LPGAT1: variants seen among roughly 807,000 people sequenced by gnomAD.
LPGAT1 encodes lysophosphatidylglycerol acyltransferase 1.
Under a neutral mutation model 47.5 loss-of-function variants are expected in LPGAT1, and 11 were observed. The observed-to-expected ratio is 0.23, with a 90% confidence interval of 0.15 to 0.38. The LOEUF is 0.38. Ranked by LOEUF, LPGAT1 falls within the 10% of genes least tolerant of loss-of-function variation. LPGAT1 has a pLI of 1.00. For missense variants in LPGAT1, 293 were observed against 439.0 expected (o/e 0.67, Z 2.97); for synonymous variants, 138 against 144.2 (o/e 0.96, Z 0.31).
intron 5 of LPGAT1, among the ~76,000 whole-genome samples, chr1:211,781,641 G>A (rs1286359250): frequency 6.6e-6 from 1 of 152,156 alleles, no homozygotes. Flanking sequence ...GGTCCTGATT[G>A]CCACTTAAAA....
chr1:211,765,056 T>C (rs570695656), intron 6 of LPGAT1, among the ~76,000 whole-genome samples: 1 of 152,332 alleles, frequency 6.6e-6, no homozygotes, highest in East Asian at 1.9e-4. Flanking sequence ...GTAAGATGCT[T>C]AACAAATGCT....
At chr1:211,780,504 T>C (rs1658599117) in intron 5 of LPGAT1, among the ~76,000 whole-genome samples, 2 of 152,186 alleles carry the variant, frequency 1.3e-5, no homozygotes, top group Admixed American at 6.5e-5. Flanking sequence ...GAGAACTAAT[T>C]TTCAAGCATA....
intron 6 of LPGAT1, among the ~76,000 whole-genome samples, chr1:211,771,885 G>C (rs1658188114): frequency 6.6e-6 from 1 of 152,062 alleles, no homozygotes; most frequent in South Asian, 2.1e-4. Flanking sequence ...TTGTAAGGAA[G>C]GGGTACCCTA....
chr1:211,785,913 C>G (rs1420339541), intron 4 of LPGAT1, among the ~76,000 whole-genome samples: 1 of 152,102 alleles, frequency 6.6e-6, no homozygotes, highest in Non-Finnish European at 1.5e-5. Context: ...AGCCCCTCTT[C>G]TTGATGCCTG....
At chr1:211,812,623 A>G (rs905151961) in intron 2 of LPGAT1, among the ~76,000 whole-genome samples, 1 of 152,228 alleles carries the variant, frequency 6.6e-6, no homozygotes, top group African/African-American at 2.4e-5. Context: ...ATGTTACTTT[A>G]TATGATAAAA....
chr1:211,751,169 C>A, intron 6 of LPGAT1, 102 bp from the exon 7 acceptor site: 1 of 764,784 alleles, frequency 1.3e-6, no homozygotes, highest in Non-Finnish European at 2.1e-6. Context: ...ATTGTGTTGT[C>A]ATCTTTTGCT....
At position 211,828,329 on chromosome 1, in the gene LPGAT1, T is replaced by C. The variant is rs528439661; in HGVS notation, c.238+730A>G. On this transcript the variant is annotated intron_variant, in intron 2 of 7. Coordinates refer to ENST00000366997, the MANE Select transcript of LPGAT1 (RefSeq NM_014873.3). ...AGAATTTTCACAGCAAGGGCATAAG[T>C]TCTCAAAGCATATAAGGTTTATCTC... Among the ~76,000 whole-genome samples, 5 of 152,312 alleles carry C rather than the reference T, an allele frequency of 3.3e-5. No homozygotes were observed. The South Asian group carries it at 1.0e-3, about 32-fold the overall frequency.
At chr1:211,826,959 C>A (rs1456155974) in intron 2 of LPGAT1, among the ~76,000 whole-genome samples, 1 of 152,124 alleles carries the variant, frequency 6.6e-6, no homozygotes, top group Non-Finnish European at 1.5e-5. Context: ...TAATATAACA[C>A]CTGACATTAT....
intron 6 of LPGAT1, among the ~76,000 whole-genome samples, chr1:211,758,573 G>A (rs1657560678): frequency 6.6e-6 from 1 of 152,012 alleles, no homozygotes; most frequent in African/African-American, 2.4e-5. Flanking sequence ...CATGGTGGTG[G>A]ATGCCTGTAG....
intron 6 of LPGAT1, among the ~76,000 whole-genome samples, chr1:211,777,350 C>T (rs1019890370): frequency 4.6e-5 from 7 of 152,156 alleles, no homozygotes; most frequent in East Asian, 1.9e-4. Context: ...TGGTTAGACA[C>T]TAATCTTGAT....
chr1:211,828,981 C>G, intron 2 of LPGAT1, 78 bp downstream of exon 2: 1 of 1,442,058 alleles, frequency 6.9e-7, no homozygotes, highest in Middle Eastern at 2.0e-4. Context: ...ATCCTCAACC[C>G]AAAGTGTAAT....
At chr1:211,774,734 T>G (rs1658326007) in intron 6 of LPGAT1, among the ~76,000 whole-genome samples, 1 of 152,216 alleles carries the variant, frequency 6.6e-6, no homozygotes, top group African/African-American at 2.4e-5. Flanking sequence ...TTATGGTGTT[T>G]CATATATAAC....
chr1:211,778,298 C>T (rs1204992539), intron 6 of LPGAT1, among the ~76,000 whole-genome samples: 5 of 148,684 alleles, frequency 3.4e-5, no homozygotes, highest in Admixed American at 1.3e-4. Context: ...GCCGAGATCG[C>T]GCCACTGCAC....
intron 2 of LPGAT1, among the ~76,000 whole-genome samples, chr1:211,821,221 A>G (rs1660361086): frequency 6.6e-6 from 1 of 152,180 alleles, no homozygotes; most frequent in African/African-American, 2.4e-5. Flanking sequence ...GCACCACTGC[A>G]CTCCAGCCTG....
At chr1:211,782,191 T>C (rs1266290895) in intron 5 of LPGAT1, among the ~76,000 whole-genome samples, 2 of 152,210 alleles carry the variant, frequency 1.3e-5, no homozygotes, top group African/African-American at 2.4e-5. Flanking sequence ...TAAACATCAT[T>C]TGTAACAGCT....
chr1:211,795,786 C>CA (rs1553311057), intron 2 of LPGAT1, among the ~76,000 whole-genome samples: 2 of 152,204 alleles, frequency 1.3e-5, no homozygotes, highest in Non-Finnish European at 2.9e-5. Context: ...CACACACACA[C>CA]ATGCACAACA....
In LPGAT1 at chr1:211,808,188, A is replaced by C. The variant is rs536218581; in HGVS notation, c.239-14998T>G. Among the ~76,000 whole-genome samples the C allele has an allele frequency of 2.6e-5, 4 of 152,194 alleles. No homozygotes were observed. In the South Asian group the frequency reaches 6.2e-4, roughly 24 times the overall value. ...TGGAGAAACCCCGTCTCTACTAAAA[A>C]TACAAAATTAGCCGGGTGTGGTGGC... On this transcript the variant is annotated intron_variant, in intron 2 of 7. Coordinates refer to ENST00000366997, the MANE Select transcript of LPGAT1 (RefSeq NM_014873.3).
intron 6 of LPGAT1, among the ~76,000 whole-genome samples, chr1:211,757,502 C>A (rs529192993): frequency 6.6e-6 from 1 of 152,092 alleles, no homozygotes; most frequent in Admixed American, 6.5e-5. Context: ...TGATTAAGTG[C>A]CAGATCATTT....
intron 7 of LPGAT1, 148 bp from the exon 8 acceptor site, chr1:211,750,198 A>G: frequency 1.4e-6 from 1 of 692,318 alleles, no homozygotes; most frequent in Non-Finnish European, 2.5e-6. Context: ...TTTATTTGAA[A>G]TACAATTTCT....
Sources: allele counts gnomAD v4.1 joint callset (sites outside exome capture counted in the v4.1 genomes callset), GRCh38; gene constraint gnomAD v4.1.1; transcripts MANE v1.5; gene names NCBI Gene and HGNC (gene_info 2026-07-23, HGNC 2026-07-21).